RICTOR: variants seen among roughly 807,000 people sequenced by gnomAD.
RICTOR encodes the protein rapamycin-insensitive companion of mTOR.
In RICTOR, 49 loss-of-function variants were observed where a neutral mutation model predicts 214.9. The observed-to-expected ratio is 0.23, with a 90% CI of 0.18 to 0.29. RICTOR has a LOEUF of 0.29. RICTOR is among the 10% of genes least tolerant of loss of function. RICTOR has a pLI of 1.00. For missense variants in RICTOR, 1,625 were observed against 2,047.0 expected, an observed-to-expected ratio of 0.79 and a Z score of 3.98; for synonymous variants, 717 against 711.3, an observed-to-expected ratio of 1.01 and a Z score of -0.13.
chr5:38,983,099 T>C (rs1751858147), intron 7 of RICTOR, among the ~76,000 whole-genome samples: 1 of 152,178 alleles, frequency 6.6e-6, no homozygotes, highest in Admixed American at 6.5e-5. Context: ...CACATTACTT[T>C]CCAATGAGTC....
intron 2 of RICTOR, among the ~76,000 whole-genome samples, chr5:39,032,864 C>T (rs577715497): frequency 6.6e-5 from 10 of 152,150 alleles, no homozygotes; most frequent in Non-Finnish European, 1.5e-4. Flanking sequence ...CCTGGCATGC[C>T]GTTTATTTCT....
chr5:39,042,601 T>C (rs140446016), intron 2 of RICTOR, among the ~76,000 whole-genome samples: 2 of 152,320 alleles, frequency 1.3e-5, no homozygotes, highest in African/African-American at 2.4e-5. Flanking sequence ...CATAGGACAA[T>C]GTACCTTCAG....
At chr5:38,945,181 A>G in intron 34 of RICTOR, 113 bp from the exon 35 acceptor site, 1 of 803,310 alleles carries the variant, frequency 1.2e-6, no homozygotes, top group Non-Finnish European at 1.9e-6. Context: ...AATTGTATGC[A>G]ATATACCAAA....
intron 3 of RICTOR, among the ~76,000 whole-genome samples, chr5:39,011,527 G>T (rs1213864677): frequency 6.6e-6 from 1 of 152,128 alleles, no homozygotes; most frequent in African/African-American, 2.4e-5. Context: ...CTTGCACTGG[G>T]CGCCTGGAAA....
intron 2 of RICTOR, among the ~76,000 whole-genome samples, chr5:39,028,104 T>G (rs939316151): frequency 6.6e-6 from 1 of 151,458 alleles, no homozygotes; most frequent in Admixed American, 6.6e-5. Flanking sequence ...CATTACACAC[T>G]TATAAGAATA....
rs146683829 is a variant in RICTOR, at chr5:39,059,999, G to A, written c.97+14112C>T. On this transcript the variant is annotated intron_variant, in intron 2 of 37. Coordinates refer to ENST00000357387, the MANE Select transcript of RICTOR (RefSeq NM_152756.5). The stretch of plus-strand genomic sequence containing the variant: ...TTCAAATCTAGATCTGTCTGGGTAC[G>A]ACACCATGCTTTTAGTCAATACTAG... 4.7e-3 allele frequency among the ~76,000 whole-genome samples: 717 copies of A among 152,122 alleles called. 5 individuals are homozygous for A. The highest frequency in any genetic ancestry group is 0.017 in the Middle Eastern group (5 of 294).
intron 36 of RICTOR, 103 bp from the exon 37 acceptor site, chr5:38,943,074 G>A: frequency 4.2e-6 from 3 of 721,852 alleles, no homozygotes; most frequent in South Asian, 1.9e-5. Flanking sequence ...TACAGATATG[G>A]ATTAGATGGC....
At chr5:38,944,774 G>A in intron 35 of RICTOR, 139 bp downstream of exon 35, 1 of 889,788 alleles carries the variant, frequency 1.1e-6, no homozygotes, top group Non-Finnish European at 1.8e-6. Context: ...ATAATTAACA[G>A]TGTTAAATTG....
At chr5:39,037,810 A>G (rs1397632742) in intron 2 of RICTOR, among the ~76,000 whole-genome samples, 3 of 152,246 alleles carry the variant, frequency 2.0e-5, no homozygotes, top group Non-Finnish European at 4.4e-5. Context: ...AGGCTTCTGA[A>G]ATTGAGGCAG....
intron 3 of RICTOR, among the ~76,000 whole-genome samples, chr5:39,014,084 G>A (rs1754755774): frequency 6.6e-6 from 1 of 152,010 alleles, no homozygotes; most frequent in African/African-American, 2.4e-5. Context: ...CATAGCCTAA[G>A]AGCAACAGAC....
chr5:38,946,191 T>C lies in RICTOR; in HGVS notation c.4399+277A>G, dbSNP rs193165092. 4.9e-4 allele frequency among the ~76,000 whole-genome samples: 74 copies of C among 152,328 alleles called. No individual in the cohort carries two copies. The East Asian group carries it at 0.014, about 29-fold the overall frequency. Reference sequence around the variant, plus strand: ...GATCTATGAGGATTAGTGTTATACATTGTTCATGTGCTACTTTTAAAAAAC... The same window carrying C: ...GATCTATGAGGATTAGTGTTATACACTGTTCATGTGCTACTTTTAAAAAAC... On this transcript the variant is annotated intron_variant, in intron 33 of 37. Coordinates refer to ENST00000357387, the MANE Select transcript of RICTOR (RefSeq NM_152756.5).
Position 38,940,631 on chromosome 5 carries a change from G to T in RICTOR, c.*1673C>A. ...TTTTCAACATAAGCAGCAGCTTACAGCCCTTATCTGCTTTGTTATAATGTA... is the reference window on the plus strand; with the variant it reads ...TTTTCAACATAAGCAGCAGCTTACATCCCTTATCTGCTTTGTTATAATGTA... On this transcript the variant is annotated 3_prime_UTR_variant, in exon 38 of 38. Transcript: ENST00000357387. The T allele has an allele frequency of 4.3e-6, 1 of 232,840 alleles. No individual in the cohort carries two copies. Among genetic ancestry groups the T allele is most frequent in the Non-Finnish European group, 8.5e-6 (1 of 117,602 alleles). 14.4% of individuals were successfully genotyped at this position (232,840 alleles called of 1,614,324 possible).
Position 38,981,524 on chromosome 5 carries a change from G to T in RICTOR, c.753+343C>A, listed in dbSNP as rs7711159. 9.1e-3 allele frequency: 1,557 copies of T among 170,400 alleles called. 30 individuals are homozygous for T. The highest frequency in any genetic ancestry group is 0.035 in the African/African-American group (1,471 of 42,154). The allele number at this position is 170,400 out of a possible 1,614,324, so 10.6% of individuals were successfully genotyped here. A position where few individuals can be genotyped will look rare whatever the true frequency, so the allele number is the denominator to read the frequency against. ...TTTCATAAATATTGTATAATTAGCA[G>T]GAGCTATTCACACACAATGTACTAA... On this transcript the variant is annotated intron_variant, in intron 8 of 37. Transcript: ENST00000357387.
chr5:39,032,218 A>G (rs1756328972), intron 2 of RICTOR, among the ~76,000 whole-genome samples: 1 of 152,110 alleles, frequency 6.6e-6, no homozygotes, highest in African/African-American at 2.4e-5. Flanking sequence ...ATTTTTGTCT[A>G]TTTGTTCTGG....
chr5:38,985,938 C>T (rs544879007), intron 7 of RICTOR, among the ~76,000 whole-genome samples: 161 of 152,222 alleles, frequency 1.1e-3, no homozygotes, highest in Middle Eastern at 6.8e-3. Context: ...TCAGGTGATC[C>T]GCCTGCCCCC....
At chr5:38,957,621 C>T (rs753238444) in intron 25 of RICTOR, 31 bp downstream of exon 25, 3 of 1,178,524 alleles carry the variant, frequency 2.5e-6, no homozygotes, top group Middle Eastern at 1.9e-4. Flanking sequence ...TAAAAACACA[C>T]AAATTCAACT....
At chr5:39,049,347 T>A (rs1016265902) in intron 2 of RICTOR, among the ~76,000 whole-genome samples, 1 of 152,146 alleles carries the variant, frequency 6.6e-6, no homozygotes, top group African/African-American at 2.4e-5. Context: ...AAATAATAAT[T>A]ATGTTTTATA....
At chr5:39,052,358 A>C (rs1201937712) in intron 2 of RICTOR, among the ~76,000 whole-genome samples, 2 of 152,208 alleles carry the variant, frequency 1.3e-5, no homozygotes, top group African/African-American at 4.8e-5. Flanking sequence ...CCTGGGCAAC[A>C]GAATGAACCA....
rs147482150 is a variant in RICTOR at position 39,014,987 on chromosome 5, T to C, written c.195+6052A>G. On this transcript the variant is annotated intron_variant, in intron 3 of 37. Transcript: ENST00000357387. ...ATCTTCCCAATCTAATATAATACCA[T>C]TAATTAAACACATATTATGTGACAC... 1.2e-3 allele frequency among the ~76,000 whole-genome samples: 177 copies of C among 152,234 alleles called. 1 individual carries two copies. Among genetic ancestry groups the C allele is most frequent in the African/African-American group, 4.0e-3 (165 of 41,544 alleles).
Sources: gnomAD v4.1 joint callset for allele counts (sites outside exome capture counted in the v4.1 genomes callset) on GRCh38, gnomAD v4.1.1 for gene constraint, MANE v1.5 for transcripts, NCBI Gene and HGNC (gene_info 2026-07-23, HGNC 2026-07-21) for gene names.